IQCJ: variants seen among roughly 807,000 people sequenced by gnomAD.
The protein encoded by IQCJ is IQ motif containing J, also known as IQ domain-containing protein J.
In IQCJ, 9 loss-of-function variants were observed where a neutral mutation model predicts 11.0. The observed-to-expected ratio is 0.82, with a 90% CI of 0.49 to 1.43. The LOEUF (loss-of-function observed/expected upper bound fraction) is 1.43. IQCJ is among the 40% of genes most tolerant of loss of function. The probability of loss-of-function intolerance (pLI) is 0.00; values close to 1 mark genes in which losing one functional copy is unlikely to be tolerated. For missense variants in IQCJ, 146 were observed against 133.2 expected, an observed-to-expected ratio of 1.10 and a Z score of -0.47; for synonymous variants, 55 against 51.3, an observed-to-expected ratio of 1.07 and a Z score of -0.31.
intron 1 of IQCJ, among the ~76,000 whole-genome samples, chr3:159,184,584 G>A (rs1411277513): frequency 1.1e-4 from 17 of 152,170 alleles, no homozygotes; most frequent in Admixed American, 1.1e-3. Flanking sequence ...CTAACACACA[G>A]GAGACTTACT....
intron 1 of IQCJ, among the ~76,000 whole-genome samples, chr3:159,199,076 C>G (rs974315790): frequency 2.9e-4 from 44 of 152,184 alleles, no homozygotes; most frequent in Non-Finnish European, 7.3e-5. Context: ...GTAAGTTTAA[C>G]TGTTGTGTAT....
intron 1 of IQCJ, among the ~76,000 whole-genome samples, chr3:159,116,473 T>G (rs923682181): frequency 2.0e-5 from 3 of 151,502 alleles, no homozygotes; most frequent in Non-Finnish European, 4.4e-5. Flanking sequence ...GTGGATCTCT[T>G]AAGTTAGTCT....
chr3:159,241,729 T>G (rs1340548128), intron 1 of IQCJ, among the ~76,000 whole-genome samples: 1 of 152,188 alleles, frequency 6.6e-6, no homozygotes, highest in Non-Finnish European at 1.5e-5. Context: ...TAATTAACAT[T>G]GGTTGAGCAA....
intron 1 of IQCJ, among the ~76,000 whole-genome samples, chr3:159,196,087 T>A (rs959814865): frequency 6.6e-6 from 1 of 152,136 alleles, no homozygotes. Flanking sequence ...GAAAGTAAAA[T>A]ACAGCAACAT....
At chr3:159,159,315 C>A (rs77633152) in intron 1 of IQCJ, among the ~76,000 whole-genome samples, 4,408 of 152,048 alleles carry the variant, frequency 0.029, 207 homozygotes, top group African/African-American at 0.1. Flanking sequence ...TGTAATCAAT[C>A]AAGTCAAGTA....
chr3:159,218,559 A>C (rs1329479865), intron 1 of IQCJ, among the ~76,000 whole-genome samples: 1 of 152,144 alleles, frequency 6.6e-6, no homozygotes, highest in Non-Finnish European at 1.5e-5. Flanking sequence ...AAGTAATGTC[A>C]GAATATGCCT....
intron 1 of IQCJ, among the ~76,000 whole-genome samples, chr3:159,231,392 A>G (rs925299236): frequency 6.6e-6 from 1 of 152,122 alleles, no homozygotes. Flanking sequence ...CCCACATCTA[A>G]TCTGTGATCA....
chr3:159,228,387 G>A (rs1725985841), intron 1 of IQCJ, among the ~76,000 whole-genome samples: 1 of 152,148 alleles, frequency 6.6e-6, no homozygotes, highest in African/African-American at 2.4e-5. Flanking sequence ...TTGTTATGAA[G>A]CAATTTAGGG....
At chr3:159,154,866 C>T (rs576941008) in intron 1 of IQCJ, among the ~76,000 whole-genome samples, 14 of 152,262 alleles carry the variant, frequency 9.2e-5, no homozygotes, top group African/African-American at 3.1e-4. Context: ...TTTCTGATTT[C>T]CTCACAGCTT....
chr3:159,150,749 A>G (rs889175495), intron 1 of IQCJ, among the ~76,000 whole-genome samples: 1 of 152,124 alleles, frequency 6.6e-6, no homozygotes, highest in Non-Finnish European at 1.5e-5. Context: ...GCAAGTGTAG[A>G]ATGATTGAGT....
At chr3:159,150,573 C>T (rs924461631) in intron 1 of IQCJ, among the ~76,000 whole-genome samples, 3 of 147,238 alleles carry the variant, frequency 2.0e-5, no homozygotes, top group African/African-American at 7.7e-5. Flanking sequence ...GCATATGTTG[C>T]ATTGTCCCCA....
At chr3:159,155,304 C>G (rs1577046367) in intron 1 of IQCJ, among the ~76,000 whole-genome samples, 1 of 150,802 alleles carries the variant, frequency 6.6e-6, no homozygotes, top group East Asian at 2.0e-4. Context: ...ACTACAGGCA[C>G]ACGCCATCAC....
At chr3:159,141,052 A>G (rs1168321815) in intron 1 of IQCJ, among the ~76,000 whole-genome samples, 5 of 152,210 alleles carry the variant, frequency 3.3e-5, no homozygotes, top group Non-Finnish European at 7.3e-5. Context: ...GGACCCTGCA[A>G]TGTTGACCTA....
chr3:159,074,602 C>G (rs1281244979), intron 1 of IQCJ, among the ~76,000 whole-genome samples: 1 of 151,998 alleles, frequency 6.6e-6, no homozygotes, highest in African/African-American at 2.4e-5. Flanking sequence ...CAAATTTTGC[C>G]TGATTTTCAA....
chr3:159,253,276 T>C (rs932821942), intron 3 of IQCJ, among the ~76,000 whole-genome samples: 1 of 152,142 alleles, frequency 6.6e-6, no homozygotes, highest in Admixed American at 6.5e-5. Context: ...TCTTATCCTT[T>C]TCTTCTTATT....
At chr3:159,253,433 CCTT>C (rs1186292567) in intron 3 of IQCJ, among the ~76,000 whole-genome samples, 1 of 152,022 alleles carries the variant, frequency 6.6e-6, no homozygotes, top group Non-Finnish European at 1.5e-5. Flanking sequence ...AAAATATTAA[CCTT>C]CTAAAACCAT....
intron 1 of IQCJ, among the ~76,000 whole-genome samples, chr3:159,117,973 A>T (rs772578740): frequency 9.9e-5 from 15 of 152,192 alleles, no homozygotes; most frequent in Non-Finnish European, 1.3e-4. Flanking sequence ...CTGCCTTAAG[A>T]TGATCAAACT....
At chr3:159,110,659 T>C (rs1718569298) in intron 1 of IQCJ, among the ~76,000 whole-genome samples, 1 of 152,162 alleles carries the variant, frequency 6.6e-6, no homozygotes, top group Non-Finnish European at 1.5e-5. Context: ...TTCTTATTCA[T>C]CACTGTATCC....
chr3:159,089,228 A>T (rs1717043299), intron 1 of IQCJ, among the ~76,000 whole-genome samples: 1 of 152,052 alleles, frequency 6.6e-6, no homozygotes, highest in Non-Finnish European at 1.5e-5. Context: ...TCTTTTCTTT[A>T]AGAATGTTGA....
Sources: allele counts gnomAD v4.1 joint callset (sites outside exome capture counted in the v4.1 genomes callset), GRCh38; gene constraint gnomAD v4.1.1; transcripts MANE v1.5; gene names NCBI Gene and HGNC (gene_info 2026-07-23, HGNC 2026-07-21).